The following REPS2 variants were observed in gnomAD, a reference collection of about 807,000 sequenced individuals.
REPS2 encodes RALBP1 associated Eps domain containing 2.
In REPS2, 23 loss-of-function variants were observed where a neutral mutation model predicts 53.6. The observed-to-expected ratio is 0.43, with a 90% CI of 0.31 to 0.61. REPS2 has a LOEUF of 0.61. Ranked by LOEUF, REPS2 falls within the 20% of genes least tolerant of loss-of-function variation. REPS2 has a pLI of 0.11. For missense variants in REPS2, 446 were observed against 534.9 expected (o/e 0.83, Z 1.64); for synonymous variants, 238 against 218.6 (o/e 1.09, Z -0.78).
intron 1 of REPS2, among the ~76,000 whole-genome samples, chrX:16,981,433 A>G (rs1472456882): frequency 8.9e-6 from 1 of 112,682 alleles, no homozygotes; most frequent in African/African-American, 3.2e-5. Context: ...GGCAGAGTGA[A>G]TTTGCTGTGA....
At chrX:16,975,830 G>A (rs2060948598) in intron 1 of REPS2, among the ~76,000 whole-genome samples, 2 of 112,217 alleles carry the variant, frequency 1.8e-5, no homozygotes, top group South Asian at 3.7e-4. Context: ...TTTCTTTCAA[G>A]TCATTTTCTA....
chrX:17,169,903 A>G, the REPS2 span, among the ~76,000 whole-genome samples: 1 of 111,363 alleles, frequency 9.0e-6, no homozygotes, highest in African/African-American at 3.3e-5. Context: ...GCTTAGGTAT[A>G]GGACCCTCCA....
intron 1 of REPS2, among the ~76,000 whole-genome samples, chrX:16,964,198 C>T (rs2060702675): frequency 9.3e-6 from 1 of 107,871 alleles, no homozygotes; most frequent in Admixed American, 9.9e-5. Flanking sequence ...GTTTGTGTCC[C>T]TGGGTACTTG....
chrX:17,014,749 T>C (rs2061468133), intron 2 of REPS2, among the ~76,000 whole-genome samples: 1 of 112,414 alleles, frequency 8.9e-6, no homozygotes, highest in Non-Finnish European at 1.9e-5. Context: ...GTTACGGTCT[T>C]AGCTCTGCCA....
the REPS2 span, among the ~76,000 whole-genome samples, chrX:17,169,537 C>A: frequency 9.0e-6 from 1 of 111,101 alleles, no homozygotes; most frequent in Admixed American, 9.5e-5. Context: ...AAAAAATTAG[C>A]CAGGTGTGGT....
chrX:17,036,369 A>G (rs1203619036), intron 5 of REPS2, among the ~76,000 whole-genome samples: 1 of 112,236 alleles, frequency 8.9e-6, no homozygotes, highest in African/African-American at 3.2e-5. Context: ...AGTCACTTGT[A>G]TTTCCTTTTC....
intron 13 of REPS2, among the ~76,000 whole-genome samples, chrX:17,082,177 AG>A (rs2062466273): frequency 8.9e-6 from 1 of 112,147 alleles, no homozygotes; most frequent in African/African-American, 3.2e-5. Flanking sequence ...AAAAAGCCTT[AG>A]CTCTGCCTTG....
At chrX:17,154,880 G>A (rs2148195608), downstream of REPS2, among the ~76,000 whole-genome samples, 1 of 111,945 alleles carries the variant, frequency 8.9e-6, no homozygotes, top group Admixed American at 9.4e-5. Flanking sequence ...ACACACAGGA[G>A]GGGTATTTAA....
chrX:17,130,223 C>G (rs1252629087), intron 14 of REPS2, among the ~76,000 whole-genome samples: 1 of 111,279 alleles, frequency 9.0e-6, no homozygotes, highest in Non-Finnish European at 1.9e-5. Flanking sequence ...CTTGTGTTCC[C>G]TAGACTCCTG....
At chrX:16,994,710 G>C (rs2061209078) in intron 1 of REPS2, among the ~76,000 whole-genome samples, 1 of 111,703 alleles carries the variant, frequency 9.0e-6, no homozygotes, top group South Asian at 3.7e-4. Flanking sequence ...TGGGTACAGT[G>C]TACACTGCTC....
intron 16 of REPS2, 21 bp from the exon 17 acceptor site, chrX:17,138,835 A>G (rs754942471): frequency 1.2e-5 from 13 of 1,095,747 alleles, no homozygotes; most frequent in Admixed American, 1.0e-4. Context: ...TTTTCACTGA[A>G]GTGTTTGTGC....
intron 2 of REPS2, among the ~76,000 whole-genome samples, chrX:17,017,876 G>A (rs1391427842): frequency 9.1e-6 from 1 of 110,446 alleles, no homozygotes; most frequent in Non-Finnish European, 1.9e-5. Flanking sequence ...ATATACATGG[G>A]AGTTTGAAGG....
At chrX:17,042,128 C>G (rs2061838329) in intron 5 of REPS2, among the ~76,000 whole-genome samples, 2 of 112,036 alleles carry the variant, frequency 1.8e-5, no homozygotes, top group Admixed American at 1.9e-4. Flanking sequence ...GTGGCTTAAG[C>G]AGACAGATGT....
chrX:17,016,566 C>T (rs1032531334), intron 2 of REPS2, among the ~76,000 whole-genome samples: 11 of 109,747 alleles, frequency 1.0e-4, no homozygotes, highest in Admixed American at 8.7e-4. Context: ...TGTGCCACCA[C>T]GCCTGGCTAA....
At chrX:17,186,206 A>T in the REPS2 span, among the ~76,000 whole-genome samples, 1 of 112,365 alleles carries the variant, frequency 8.9e-6, no homozygotes. Flanking sequence ...TGCTTCAGAG[A>T]ACTTACTAGG....
chrX:17,030,152 T>C (rs937175641), intron 5 of REPS2, among the ~76,000 whole-genome samples: 5 of 112,333 alleles, frequency 4.5e-5, no homozygotes, highest in African/African-American at 1.6e-4. Context: ...AGAAATATTA[T>C]GGCAAAAGCT....
At chrX:17,136,789 TC>T (rs1260142544) in intron 16 of REPS2, 1 of 111,801 alleles carries the variant, frequency 8.9e-6, no homozygotes, top group Non-Finnish European at 1.9e-5. Context: ...TAGCAATCAC[TC>T]CCCATTCTCT....
intron 1 of REPS2, among the ~76,000 whole-genome samples, chrX:17,000,921 G>A (rs944267020): frequency 1.8e-5 from 2 of 111,703 alleles, no homozygotes; most frequent in African/African-American, 6.5e-5. Flanking sequence ...ACCCATGAGC[G>A]GTAGTTTTCC....
At chrX:16,968,721 AC>A (rs1232889830) in intron 1 of REPS2, among the ~76,000 whole-genome samples, 1 of 83,426 alleles carries the variant, frequency 1.2e-5, no homozygotes, top group Non-Finnish European at 2.3e-5. Flanking sequence ...TCCCTCCCGG[AC>A]GGGGCGGCCG....
Sources: allele counts gnomAD v4.1 joint callset (sites outside exome capture counted in the v4.1 genomes callset), GRCh38; gene constraint gnomAD v4.1.1; transcripts MANE v1.5; gene names NCBI Gene and HGNC (gene_info 2026-07-23, HGNC 2026-07-21).